PHGDH: variants seen among roughly 807,000 people sequenced by gnomAD.
PHGDH encodes the protein phosphoglycerate dehydrogenase.
Under a neutral mutation model 52.6 loss-of-function variants are expected in PHGDH, and 50 were observed. The observed-to-expected ratio is 0.95, with a 90% confidence interval of 0.76 to 1.20. PHGDH has a LOEUF of 1.20. Among genes scored for constraint, PHGDH ranks in the 50% most tolerant of loss-of-function variants. The probability of loss-of-function intolerance (pLI) is 0.00; values close to 1 mark genes in which losing one functional copy is unlikely to be tolerated. For missense variants in PHGDH, 630 were observed against 684.6 expected, an observed-to-expected ratio of 0.92 and a Z score of 0.89; for synonymous variants, 271 against 280.5, an observed-to-expected ratio of 0.97 and a Z score of 0.34.
Position 119,712,364 on chromosome 1 carries a change from T to A in PHGDH, c.138+204T>A, listed in dbSNP as rs587622502. On this transcript the variant is annotated intron_variant, in intron 1 of 11. Coordinates refer to ENST00000641023, the MANE Select transcript of PHGDH (RefSeq NM_006623.4). ...ACGGCGGCGAGATGCAAACTTTTCT[T>A]TTAGTTTGCAACCGCGTCTTTCACG... 119 of 593,670 alleles carry A rather than the reference T, an allele frequency of 2.0e-4. 4 individuals carry two copies. Among genetic ancestry groups the A allele is most frequent in the South Asian group, 1.6e-3 (87 of 53,026 alleles). The allele number at this position is 593,670 out of a possible 1,614,324, so 36.8% of individuals were successfully genotyped here. A position where few individuals can be genotyped will look rare whatever the true frequency, so the allele number is the denominator to read the frequency against.
intron 3 of PHGDH, chr1:119,724,533 T>A (rs1651315069): frequency 2.8e-6 from 1 of 361,622 alleles, no homozygotes; most frequent in South Asian, 2.2e-5. Context: ...CAGTAGGGTC[T>A]CAGCCTAGAA....
At chr1:119,735,557 A>G (rs1043859808) in intron 7 of PHGDH, 114 bp downstream of exon 7, 9 of 1,116,132 alleles carry the variant, frequency 8.1e-6, no homozygotes, top group Admixed American at 2.0e-5. Context: ...TGTCTCTTTC[A>G]TCCATGGTAA....
chr1:119,740,178 C>T, intron 8 of PHGDH: 1 of 587,572 alleles, frequency 1.7e-6, no homozygotes, highest in Non-Finnish European at 3.1e-6. Context: ...ATTCTGTGTC[C>T]ATTTCTGGCT....
In PHGDH at chr1:119,735,425, A is replaced by G. The variant is rs587668968; in HGVS notation, c.774A>G (p.Ala258=). Residue 258 remains alanine, a synonymous_variant, in exon 7 of 12, where the codon GCA becomes GCG. Transcript: ENST00000641023. The part of the protein sequence containing the change: ...ALQSGQCAGA[A]LDVFTEEPPR... ...AGTCTGGCCAGTGTGCCGGGGCTGCACTGGACGTGTTTACGGAAGTAAGTG... is the reference window on the plus strand; with the variant it reads ...AGTCTGGCCAGTGTGCCGGGGCTGCGCTGGACGTGTTTACGGAAGTAAGTG... The G allele has an allele frequency of 4.3e-6, 7 of 1,613,572 alleles. No individual in the cohort carries two copies. The Admixed American group carries it at 8.3e-5, about 19-fold the overall frequency.
At chr1:119,741,480 G>A (rs1652204249) in intron 9 of PHGDH, among the ~76,000 whole-genome samples, 1 of 152,220 alleles carries the variant, frequency 6.6e-6, no homozygotes, top group Admixed American at 6.5e-5. Flanking sequence ...AGGTAGGCCA[G>A]GATGGCCAAG....
At chr1:119,724,488 TG>T (rs773152798) in intron 3 of PHGDH, 2 of 335,034 alleles carry the variant, frequency 6.0e-6, no homozygotes, top group Non-Finnish European at 5.8e-6. Context: ...AAGGAGGCAG[TG>T]GGGGGAAAGG....
intron 10 of PHGDH, 173 bp from the exon 11 acceptor site, chr1:119,742,634 T>C (rs1652261759): frequency 1.5e-6 from 1 of 648,826 alleles, no homozygotes; most frequent in Non-Finnish European, 2.8e-6. Flanking sequence ...AGGAAGCTGA[T>C]GCCGAAGGGC....
chr1:119,727,906 T>A (rs1557972701), intron 5 of PHGDH, among the ~76,000 whole-genome samples: 1 of 151,738 alleles, frequency 6.6e-6, no homozygotes, highest in Non-Finnish European at 1.5e-5. Context: ...TTTATAGGAG[T>A]TTTACATGAT....
intron 5 of PHGDH, chr1:119,727,383 T>G: frequency 2.0e-6 from 1 of 488,116 alleles, no homozygotes; most frequent in Non-Finnish European, 3.7e-6. Flanking sequence ...GAGACTTTGG[T>G]TCCTGTCTTC....
chr1:119,721,414 C>A, intron 2 of PHGDH, 93 bp downstream of exon 2: 2 of 1,305,558 alleles, frequency 1.5e-6, no homozygotes, highest in Non-Finnish European at 1.1e-6. Context: ...TGAGAGAAAG[C>A]TGAGTCCATT....
intron 1 of PHGDH, among the ~76,000 whole-genome samples, chr1:119,717,517 C>T (rs1022642406): frequency 6.6e-6 from 1 of 152,092 alleles, no homozygotes; most frequent in Non-Finnish European, 1.5e-5. Context: ...TCTTTTAATG[C>T]TTATATTTTT....
intron 8 of PHGDH, among the ~76,000 whole-genome samples, chr1:119,738,480 A>G (rs1405851037): frequency 2.6e-5 from 4 of 152,202 alleles, no homozygotes; most frequent in East Asian, 1.9e-4. Context: ...TCTGTCCTCT[A>G]TGCTGTGTGG....
intron 5 of PHGDH, 33 bp downstream of exon 5, chr1:119,727,135 C>T: frequency 7.6e-7 from 1 of 1,314,898 alleles, no homozygotes; most frequent in Non-Finnish European, 1.1e-6. Context: ...TGATGTGGGA[C>T]TTTCTGCAGC....
At chr1:119,733,149 T>C (rs1378500136) in intron 5 of PHGDH, among the ~76,000 whole-genome samples, 2 of 151,986 alleles carry the variant, frequency 1.3e-5, no homozygotes, top group Non-Finnish European at 1.5e-5. Context: ...TTATAGGGCG[T>C]GGGAGAGGCA....
At chr1:119,714,900 G>A (rs1164147071) in intron 1 of PHGDH, among the ~76,000 whole-genome samples, 1 of 152,158 alleles carries the variant, frequency 6.6e-6, no homozygotes, top group African/African-American at 2.4e-5. Flanking sequence ...CTGGGCAACA[G>A]AGCTAGACCC....
chr1:119,711,948 G>A lies in PHGDH; in HGVS notation c.-75G>A. The A allele has an allele frequency of 6.6e-7, 1 of 1,515,562 alleles. No homozygotes were observed. Among genetic ancestry groups the A allele is most frequent in the Non-Finnish European group, 9.2e-7 (1 of 1,092,354 alleles). 93.9% of individuals were successfully genotyped at this position (1,515,562 alleles called of 1,614,324 possible). A position where few individuals can be genotyped will look rare whatever the true frequency, so the allele number is the denominator to read the frequency against. On this transcript the variant is annotated 5_prime_UTR_variant, in exon 1 of 12. Coordinates refer to ENST00000641023, the MANE Select transcript of PHGDH (RefSeq NM_006623.4). ...GAGAATACTGCCCAGTTACTCTAGC[G>A]CGCCAGGCCGAACCGCAGCTTCTTG...
chr1:119,721,602 C>T (rs1198039891), intron 2 of PHGDH: 1 of 383,520 alleles, frequency 2.6e-6, no homozygotes, highest in Non-Finnish European at 4.8e-6. Context: ...TTTCACGAGC[C>T]CACCCCATGC....
intron 1 of PHGDH, among the ~76,000 whole-genome samples, chr1:119,713,991 T>TA: frequency 6.6e-6 from 1 of 152,120 alleles, no homozygotes; most frequent in Non-Finnish European, 1.5e-5. Context: ...GAGAACATTT[T>TA]AAAGGCGCTG....
At chr1:119,713,314 A>G (rs1650787188) in intron 1 of PHGDH, 1 of 152,300 alleles carries the variant, frequency 6.6e-6, no homozygotes, top group Admixed American at 6.5e-5. Flanking sequence ...TTGTGCCACA[A>G]CCACGTGGTC....
Sources: gnomAD v4.1 joint callset for allele counts (sites outside exome capture counted in the v4.1 genomes callset) on GRCh38, gnomAD v4.1.1 for gene constraint, MANE v1.5 for transcripts, NCBI Gene and HGNC (gene_info 2026-07-23, HGNC 2026-07-21) for gene names.